CCDC170: variants seen among roughly 807,000 people sequenced by gnomAD.
CCDC170 encodes the protein coiled-coil domain-containing protein 170.
A neutral mutation model predicts 72.6 loss-of-function variants in CCDC170; 69 were observed. The observed-to-expected ratio is 0.95, with a 90% CI of 0.78 to 1.16. CCDC170 has a LOEUF of 1.16. CCDC170 is among the 50% of genes most tolerant of loss of function. CCDC170 has a pLI of 0.00. For synonymous variants in CCDC170, 300 were observed against 303.9 expected, an observed-to-expected ratio of 0.99 and a Z score of 0.13; for missense variants, 852 against 832.5, an observed-to-expected ratio of 1.02 and a Z score of -0.29.
chr6:151,521,857 G>T (rs1177797174), intron 1 of CCDC170, among the ~76,000 whole-genome samples: 2 of 152,030 alleles, frequency 1.3e-5, no homozygotes, highest in East Asian at 1.9e-4. Flanking sequence ...GTGGTGGCAG[G>T]CCCCTGTAGT....
intron 3 of CCDC170, among the ~76,000 whole-genome samples, chr6:151,542,038 C>T (rs924785806): frequency 6.6e-6 from 1 of 151,202 alleles, no homozygotes. Flanking sequence ...TGCCACCACA[C>T]CCAGCTAATT....
At chr6:151,509,785 AG>A (rs1474492696) in intron 1 of CCDC170, among the ~76,000 whole-genome samples, 3 of 152,226 alleles carry the variant, frequency 2.0e-5, no homozygotes, top group Non-Finnish European at 4.4e-5. Flanking sequence ...ATTTAGGGAA[AG>A]GTGATCATTT....
chr6:151,556,984 T>A (rs544538247), intron 5 of CCDC170, among the ~76,000 whole-genome samples: 3 of 152,310 alleles, frequency 2.0e-5, no homozygotes, highest in Admixed American at 1.3e-4. Flanking sequence ...ACATGTGATA[T>A]TTGTCTTTCT....
intron 1 of CCDC170, among the ~76,000 whole-genome samples, chr6:151,516,851 T>A (rs1462298983): frequency 6.6e-6 from 1 of 152,152 alleles, no homozygotes; most frequent in East Asian, 1.9e-4. Flanking sequence ...ATGGAGTCTT[T>A]GCCTGGCTGG....
intron 1 of CCDC170, among the ~76,000 whole-genome samples, chr6:151,498,787 T>C (rs143385172): frequency 1.1e-4 from 17 of 152,266 alleles, no homozygotes; most frequent in African/African-American, 4.1e-4. Flanking sequence ...ACAATCAGAC[T>C]GTATTAAACT....
At position 151,564,862 on chromosome 6, in the gene CCDC170, G is replaced by A. The variant is rs572245264; in HGVS notation, c.775-8312G>A. Among the ~76,000 whole-genome samples, 30 of 152,336 alleles carry A rather than the reference G, an allele frequency of 2.0e-4. No homozygotes were observed. The South Asian group carries it at 6.2e-3, about 32-fold the overall frequency. ...CTGGTGGTGCCTATCAGCACTGGCT[G>A]TGATGTGCAAGGGTGGGGTGATCCC... On this transcript the variant is annotated intron_variant, in intron 5 of 10. Coordinates refer to ENST00000239374, the MANE Select transcript of CCDC170 (RefSeq NM_025059.4).
chr6:151,510,637 C>T (rs913721980), intron 1 of CCDC170, among the ~76,000 whole-genome samples: 3 of 152,222 alleles, frequency 2.0e-5, no homozygotes, highest in Non-Finnish European at 4.4e-5. Context: ...ACTTATTAGT[C>T]AGGACACTCA....
chr6:151,525,181 C>T (rs1051512951), intron 1 of CCDC170, among the ~76,000 whole-genome samples: 1 of 152,154 alleles, frequency 6.6e-6, no homozygotes, highest in Non-Finnish European at 1.5e-5. Context: ...ATCCGCCTGC[C>T]TCGGCCTCCC....
intron 5 of CCDC170, among the ~76,000 whole-genome samples, chr6:151,569,840 T>G (rs1049383600): frequency 1.3e-5 from 2 of 152,212 alleles, no homozygotes; most frequent in African/African-American, 4.8e-5. Context: ...CTTGTCACTC[T>G]GGCTCTCGAG....
At chr6:151,607,861 C>G (rs1399053395) in intron 9 of CCDC170, among the ~76,000 whole-genome samples, 1 of 152,182 alleles carries the variant, frequency 6.6e-6, no homozygotes, top group African/African-American at 2.4e-5. Context: ...AGCTTCCTGT[C>G]TCTGTCTGTC....
At chr6:151,526,329 C>T (rs1000254896) in intron 1 of CCDC170, among the ~76,000 whole-genome samples, 18 of 151,808 alleles carry the variant, frequency 1.2e-4, no homozygotes, top group African/African-American at 4.1e-4. Context: ...TCAAGTCATT[C>T]TCCTGCCTCA....
In CCDC170 at chr6:151,551,968, C is replaced by G. The variant is rs560360093; in HGVS notation, c.774+3479C>G. On this transcript the variant is annotated intron_variant, in intron 5 of 10. Coordinates refer to ENST00000239374, the MANE Select transcript of CCDC170 (RefSeq NM_025059.4). ...CAAGAATGTCTTTTACAGCAGTTTT[C>G]TTCCCCAAATTTGGAACCTACCTAG... Among the ~76,000 whole-genome samples, 6 of 151,380 alleles carry G rather than the reference C, an allele frequency of 4.0e-5. No individual in the cohort carries two copies. In the East Asian group the frequency reaches 1.2e-3, roughly 29 times the overall value.
At chr6:151,613,929 T>A (rs1439872569) in intron 9 of CCDC170, among the ~76,000 whole-genome samples, 1 of 152,232 alleles carries the variant, frequency 6.6e-6, no homozygotes, top group African/African-American at 2.4e-5. Flanking sequence ...TTTTCCACAG[T>A]AGCCACATCA....
At chr6:151,606,765 A>G (rs945308783) in intron 9 of CCDC170, among the ~76,000 whole-genome samples, 1 of 152,190 alleles carries the variant, frequency 6.6e-6, no homozygotes, top group Non-Finnish European at 1.5e-5. Flanking sequence ...CTCTCTTGTT[A>G]TCTCTAACAA....
At chr6:151,607,804 T>C in intron 9 of CCDC170, among the ~76,000 whole-genome samples, 1 of 152,220 alleles carries the variant, frequency 6.6e-6, no homozygotes, top group Admixed American at 6.5e-5. Context: ...TAGACTATAA[T>C]GTGCCTGAGA....
At chr6:151,508,644 T>G (rs553610397) in intron 1 of CCDC170, among the ~76,000 whole-genome samples, 1 of 151,322 alleles carries the variant, frequency 6.6e-6, no homozygotes, top group African/African-American at 2.4e-5. Flanking sequence ...ACCCAGGAAG[T>G]GGAGGTTGCA....
Position 151,544,634 on chromosome 6 carries a change from AG to A in CCDC170, c.508del (p.Glu170AsnfsTer3), listed in dbSNP as rs1782743919. 6.2e-7 allele frequency: 1 copy of A among 1,613,674 alleles called. No homozygotes were observed. The highest frequency in any genetic ancestry group is 2.2e-5 in the East Asian group (1 of 44,874). ...KQVSKNCRKH[E>X]EFLTQLRDCL... is the part of the protein sequence containing the mutation. Reference sequence around the variant, plus strand: ...GTTTCAAAGAATTGCAGGAAACATGAGGAATTTCTGACTCAACTGCGTGACT... The same window carrying A: ...GTTTCAAAGAATTGCAGGAAACATGAGAATTTCTGACTCAACTGCGTGACT... On this transcript the variant is annotated frameshift_variant, in exon 4 of 11. Transcript: ENST00000239374. LOFTEE classifies it high-confidence loss of function.
In CCDC170 at chr6:151,540,471, C is replaced by T. The variant is rs138921824; in HGVS notation, c.443+2170C>T. ...TGTGATCTTGGCTCACTGCAACCTC[C>T]GCCTCCTGGGTTCAAGCAATTCTTG... On this transcript the variant is annotated intron_variant, in intron 3 of 10. Coordinates refer to ENST00000239374, the MANE Select transcript of CCDC170 (RefSeq NM_025059.4). Among the ~76,000 whole-genome samples, 629 of 145,704 alleles carry T rather than the reference C, an allele frequency of 4.3e-3. 8 individuals are homozygous for T. The highest frequency in any genetic ancestry group is 0.015 in the African/African-American group (597 of 39,800).
intron 1 of CCDC170, among the ~76,000 whole-genome samples, chr6:151,522,661 T>C (rs567571892): frequency 6.6e-6 from 1 of 152,340 alleles, no homozygotes; most frequent in South Asian, 2.1e-4. Context: ...CTTGTCCAAG[T>C]GTGCGCTCAC....
Sources: allele counts gnomAD v4.1 joint callset (sites outside exome capture counted in the v4.1 genomes callset), GRCh38; gene constraint gnomAD v4.1.1; transcripts MANE v1.5; gene names NCBI Gene and HGNC (gene_info 2026-07-23, HGNC 2026-07-21).